APBA1: variants seen among roughly 807,000 people sequenced by gnomAD.
The protein encoded by APBA1 is amyloid-beta A4 precursor protein-binding family A member 1.
In APBA1, 55 loss-of-function variants were observed where a neutral mutation model predicts 86.6. That is an observed-to-expected ratio of 0.64 (90% CI 0.51 to 0.80). APBA1 has a LOEUF of 0.80. Among genes scored for constraint, APBA1 ranks in the 30% least tolerant of loss-of-function variants. The pLI is 0.00. For synonymous variants in APBA1, 511 were observed against 493.9 expected (o/e 1.03, Z -0.46); for missense variants, 1,090 against 1,183.0 (o/e 0.92, Z 1.15).
At chr9:69,500,042 A>T (rs1439435553) in intron 2 of APBA1, among the ~76,000 whole-genome samples, 1 of 152,078 alleles carries the variant, frequency 6.6e-6, no homozygotes, top group Non-Finnish European at 1.5e-5. Flanking sequence ...TGCCATTATC[A>T]CTAATTAGCA....
At chr9:69,586,600 A>G (rs1588379171) in intron 1 of APBA1, among the ~76,000 whole-genome samples, 1 of 152,232 alleles carries the variant, frequency 6.6e-6, no homozygotes, top group East Asian at 1.9e-4. Context: ...TCTCATGAGG[A>G]CACTGCTTCC....
chr9:69,645,905 C>T (rs1175050845), intron 1 of APBA1, among the ~76,000 whole-genome samples: 1 of 152,196 alleles, frequency 6.6e-6, no homozygotes, highest in Non-Finnish European at 1.5e-5. Context: ...GCTGCCCAAT[C>T]ACGTCTCTGC....
intron 1 of APBA1, among the ~76,000 whole-genome samples, chr9:69,603,675 CTTT>C (rs1428437233): frequency 6.6e-6 from 1 of 152,228 alleles, no homozygotes; most frequent in Non-Finnish European, 1.5e-5. Flanking sequence ...GAAACAGCTT[CTTT>C]GTTTGGCTCT....
Position 69,515,999 on chromosome 9 carries a change from G to T in APBA1, c.1200+12C>A, listed in dbSNP as rs747177815. ...CGTGGGGCCGAGGAAGCCCAAACCC[G>T]CACCTACTTACATCTCCGTCCATCG... On this transcript the variant is annotated intron_variant, in intron 2 of 12. Transcript: ENST00000265381. 2.6e-6 allele frequency: 4 copies of T among 1,533,180 alleles called. No homozygotes were observed. In the South Asian group the frequency reaches 4.9e-5, roughly 19 times the overall value. 95.0% of individuals were successfully genotyped at this position (1,533,180 alleles called of 1,614,324 possible). A position where few individuals can be genotyped will look rare whatever the true frequency, so the allele number is the denominator to read the frequency against.
chr9:69,489,083 C>A (rs1564053020), intron 2 of APBA1, among the ~76,000 whole-genome samples: 1 of 152,048 alleles, frequency 6.6e-6, no homozygotes, highest in African/African-American at 2.4e-5. Flanking sequence ...TCAATGCCAA[C>A]CCCATCAAGC....
intron 1 of APBA1, among the ~76,000 whole-genome samples, chr9:69,639,930 T>C (rs765347658): frequency 2.0e-5 from 3 of 152,144 alleles, no homozygotes; most frequent in Non-Finnish European, 4.4e-5. Flanking sequence ...CATTGAAGCT[T>C]CTACATCTGT....
At chr9:69,610,158 A>G (rs1822557197) in intron 1 of APBA1, among the ~76,000 whole-genome samples, 1 of 152,118 alleles carries the variant, frequency 6.6e-6, no homozygotes, top group African/African-American at 2.4e-5. Context: ...TCTCCACAAA[A>G]AAATTTTTTT....
chr9:69,523,303 G>C (rs1836281910), intron 1 of APBA1, among the ~76,000 whole-genome samples: 1 of 151,300 alleles, frequency 6.6e-6, no homozygotes, highest in South Asian at 2.1e-4. Context: ...TTAGAAGAAG[G>C]GTCAGACATA....
chr9:69,604,246 G>A (rs560070375), intron 1 of APBA1, among the ~76,000 whole-genome samples: 84 of 143,016 alleles, frequency 5.9e-4, no homozygotes, highest in African/African-American at 2.1e-3. Flanking sequence ...ACGCATATGA[G>A]GGTAAGTGGA....
At chr9:69,531,515 C>T (rs941978011) in intron 1 of APBA1, among the ~76,000 whole-genome samples, 8 of 152,136 alleles carry the variant, frequency 5.3e-5, no homozygotes, top group African/African-American at 1.9e-4. Flanking sequence ...ATGGGCCCCT[C>T]ACTGTCATTG....
At position 69,512,435 on chromosome 9, in the gene APBA1, T is replaced by C. The variant is rs558112856; in HGVS notation, c.1200+3576A>G. On this transcript the variant is annotated intron_variant, in intron 2 of 12. Coordinates refer to ENST00000265381, the MANE Select transcript of APBA1 (RefSeq NM_001163.4). ...AGATTTAGCAATTAGCAACGGTGGC[T>C]GACAAATGGCAATACAGGTTTTTTT... Among the ~76,000 whole-genome samples the C allele has an allele frequency of 4.6e-5, 7 of 152,352 alleles. No homozygotes were observed. In the East Asian group the frequency reaches 1.3e-3, roughly 29 times the overall value.
In APBA1 at chr9:69,534,447, G is replaced by A. The variant is rs58330455; in HGVS notation, c.-69-17168C>T. 8.6e-3 allele frequency among the ~76,000 whole-genome samples: 1,306 copies of A among 152,184 alleles called. 17 individuals are homozygous for A. The highest frequency in any genetic ancestry group is 0.03 in the African/African-American group (1,240 of 41,504). On this transcript the variant is annotated intron_variant, in intron 1 of 12. Coordinates refer to ENST00000265381, the MANE Select transcript of APBA1 (RefSeq NM_001163.4). ...CCATGTTCTCTTTCACTATAAATGC[G>A]GAGGACTCCGAGACCCAAAAGATAT... is the stretch of plus-strand genomic sequence containing the variant.
intron 1 of APBA1, among the ~76,000 whole-genome samples, chr9:69,581,402 A>C (rs1177689125): frequency 6.6e-6 from 1 of 152,026 alleles, no homozygotes; most frequent in Non-Finnish European, 1.5e-5. Context: ...AAAAAAAAGA[A>C]GTTCTGCCTC....
chr9:69,551,468 G>A (rs10867766), intron 1 of APBA1, among the ~76,000 whole-genome samples: 55,384 of 151,192 alleles, frequency 0.37, 11,795 homozygotes, highest in Non-Finnish European at 0.47. Flanking sequence ...CAAGAGAATC[G>A]CTTTAACCCG....
At chr9:69,654,507 AGAATAGAAAACCT>A (rs995278474) in intron 1 of APBA1, among the ~76,000 whole-genome samples, 5 of 152,276 alleles carry the variant, frequency 3.3e-5, no homozygotes, top group African/African-American at 1.2e-4. Context: ...AGAAAAGAAA[AGAATAGAAAACCT>A]GAATAGACCA....
intron 1 of APBA1, among the ~76,000 whole-genome samples, chr9:69,616,848 G>A (rs1049919258): frequency 6.6e-6 from 1 of 152,142 alleles, no homozygotes; most frequent in African/African-American, 2.4e-5. Flanking sequence ...TTGGTCAAAA[G>A]GGGGGAATGT....
intron 1 of APBA1, among the ~76,000 whole-genome samples, chr9:69,601,005 A>G (rs898588529): frequency 6.6e-6 from 1 of 152,078 alleles, no homozygotes; most frequent in Non-Finnish European, 1.5e-5. Flanking sequence ...TTATAGCTAT[A>G]TAACTATCAG....
At chr9:69,631,355 G>C (rs891221654) in intron 1 of APBA1, among the ~76,000 whole-genome samples, 2 of 152,184 alleles carry the variant, frequency 1.3e-5, no homozygotes, top group African/African-American at 4.8e-5. Context: ...ACCACAATGA[G>C]ATACCATCTC....
intron 1 of APBA1, among the ~76,000 whole-genome samples, chr9:69,615,941 G>T (rs906260317): frequency 3.9e-5 from 6 of 152,188 alleles, no homozygotes; most frequent in Non-Finnish European, 7.3e-5. Context: ...ACCAGGACAA[G>T]AAATTGATAA....
Sources: allele counts gnomAD v4.1 joint callset (sites outside exome capture counted in the v4.1 genomes callset), GRCh38; gene constraint gnomAD v4.1.1; transcripts MANE v1.5; gene names NCBI Gene and HGNC (gene_info 2026-07-23, HGNC 2026-07-21).